AHI1: variants seen among roughly 807,000 people sequenced by gnomAD.
AHI1 encodes jouberin.
In AHI1, 123 loss-of-function variants were observed where a neutral mutation model predicts 149.3. The ratio of observed to expected loss-of-function variants is 0.82; its 90% CI spans 0.71 to 0.96. The LOEUF (loss-of-function observed/expected upper bound fraction) is 0.96, where lower values mean the gene tolerates loss of function less well. Ranked by LOEUF, AHI1 falls within the 40% of genes least tolerant of loss-of-function variation. The pLI, the probability that AHI1 is intolerant of heterozygous loss-of-function variation, is 0.00. For missense variants in AHI1, 1,439 were observed against 1,422.7 expected, an observed-to-expected ratio of 1.01 and a Z score of -0.18; for synonymous variants, 475 against 459.8, an observed-to-expected ratio of 1.03 and a Z score of -0.42.
intron 23 of AHI1, among the ~76,000 whole-genome samples, chr6:135,377,834 C>G (rs987131449): frequency 2.6e-5 from 4 of 151,952 alleles, no homozygotes; most frequent in African/African-American, 9.7e-5. Context: ...ACAAATAGAG[C>G]ACTCCTTCTC....
At chr6:135,437,028 C>T (rs1164380970) in intron 15 of AHI1, among the ~76,000 whole-genome samples, 4 of 152,142 alleles carry the variant, frequency 2.6e-5, no homozygotes, top group Admixed American at 1.3e-4. Context: ...GCCTTTAAAA[C>T]GTCAGTCACG....
chr6:135,382,915 AAAAAAAAAAAAATAT>A (rs1776993387), intron 23 of AHI1, among the ~76,000 whole-genome samples: 3 of 105,500 alleles, frequency 2.8e-5, no homozygotes, highest in African/African-American at 1.1e-4. Flanking sequence ...AAAAAAAAAA[AAAAAAAAAAAAATAT>A]ATATATATAT....
At chr6:135,359,223 A>C (rs957829845) in intron 23 of AHI1, among the ~76,000 whole-genome samples, 2 of 152,218 alleles carry the variant, frequency 1.3e-5, no homozygotes, top group Admixed American at 1.3e-4. Flanking sequence ...ATTTTTTGTA[A>C]CATTTATTGT....
chr6:135,429,743 T>A, intron 18 of AHI1, 139 bp downstream of exon 18: 1 of 474,206 alleles, frequency 2.1e-6, no homozygotes, highest in Non-Finnish European at 3.6e-6. Context: ...AAAAAAAAAA[T>A]CTCCAGATAC....
intron 15 of AHI1, among the ~76,000 whole-genome samples, chr6:135,433,986 C>T (rs918419917): frequency 3.9e-5 from 6 of 151,956 alleles, no homozygotes; most frequent in Non-Finnish European, 8.8e-5. Flanking sequence ...CTCTTAGATA[C>T]TCTGCATTTC....
intron 6 of AHI1, 103 bp downstream of exon 6, chr6:135,467,478 G>A (rs964129632): frequency 2.1e-6 from 2 of 955,518 alleles, no homozygotes; most frequent in Middle Eastern, 2.7e-4. Flanking sequence ...CTGATGTGTT[G>A]AAAAACAGAA....
chr6:135,322,974 T>C (rs1787101097), intron 25 of AHI1, among the ~76,000 whole-genome samples, 188 bp downstream of exon 25: 1 of 152,220 alleles, frequency 6.6e-6, no homozygotes, highest in African/African-American at 2.4e-5. Context: ...AATCTCAGAA[T>C]GGAGCAGCTT....
chr6:135,344,182 A>C (rs1333070419), intron 24 of AHI1, among the ~76,000 whole-genome samples: 3 of 151,832 alleles, frequency 2.0e-5, no homozygotes, highest in Non-Finnish European at 4.4e-5. Flanking sequence ...TTGTTATACT[A>C]TTTTTATTTT....
intron 20 of AHI1, among the ~76,000 whole-genome samples, chr6:135,422,709 C>T (rs951317388): frequency 1.3e-5 from 2 of 151,460 alleles, no homozygotes; most frequent in Non-Finnish European, 2.9e-5. Flanking sequence ...AGGCTGGTCT[C>T]AAACTCCTGG....
chr6:135,361,921 G>A (rs1278835848), intron 23 of AHI1, among the ~76,000 whole-genome samples: 7 of 152,014 alleles, frequency 4.6e-5, no homozygotes, highest in African/African-American at 1.7e-4. Context: ...GGTGATTTAT[G>A]AGATTTTGTG....
intron 23 of AHI1, among the ~76,000 whole-genome samples, chr6:135,389,452 G>A (rs1778145837): frequency 6.6e-6 from 1 of 152,094 alleles, no homozygotes; most frequent in South Asian, 2.1e-4. Flanking sequence ...TTTTCACTGT[G>A]AAGGAAAATA....
chr6:135,394,524 C>T lies in AHI1; in HGVS notation c.3109+252G>A, dbSNP rs1305678801. The stretch of plus-strand genomic sequence containing the variant: ...TTTAACATCATGCAGGTTTAAAACT[C>T]ACGTGTTTTGCTAGTTTTAAATTAT... On this transcript the variant is annotated intron_variant, in intron 23 of 28. Coordinates refer to ENST00000265602, the MANE Select transcript of AHI1 (RefSeq NM_001134831.2). 6 of 437,670 alleles carry T rather than the reference C, an allele frequency of 1.4e-5. No individual in the cohort carries two copies. The East Asian group carries it at 2.4e-4, about 17-fold the overall frequency. The allele number at this position is 437,670 out of a possible 1,614,324, so 27.1% of individuals were successfully genotyped here. A position where few individuals can be genotyped will look rare whatever the true frequency, so the allele number is the denominator to read the frequency against.
At chr6:135,479,582 CT>C (rs1177041860) in intron 5 of AHI1, among the ~76,000 whole-genome samples, 2 of 151,798 alleles carry the variant, frequency 1.3e-5, no homozygotes, top group Non-Finnish European at 2.9e-5. Context: ...AAGTAACTAA[CT>C]TTTTTTTTAT....
At chr6:135,427,624 A>C (rs1428610389) in intron 19 of AHI1, among the ~76,000 whole-genome samples, 3 of 151,696 alleles carry the variant, frequency 2.0e-5, no homozygotes, top group Non-Finnish European at 4.4e-5. Flanking sequence ...AGAGCTAAGC[A>C]AACTCCAAAT....
At chr6:135,477,867 G>T (rs1792954971) in intron 5 of AHI1, among the ~76,000 whole-genome samples, 1 of 152,208 alleles carries the variant, frequency 6.6e-6, no homozygotes, top group African/African-American at 2.4e-5. Flanking sequence ...GTGTGATCCT[G>T]GCTCACTGCA....
intron 11 of AHI1, among the ~76,000 whole-genome samples, chr6:135,449,461 T>C (rs1787757963): frequency 1.3e-5 from 2 of 152,200 alleles, no homozygotes; most frequent in Admixed American, 6.5e-5. Context: ...AACCTTTATG[T>C]CTTCTGCAAA....
At chr6:135,485,368 C>T (rs895961842) in intron 5 of AHI1, among the ~76,000 whole-genome samples, 1 of 152,134 alleles carries the variant, frequency 6.6e-6, no homozygotes, top group African/African-American at 2.4e-5. Context: ...AGCCACTGTG[C>T]CTGGCCTTTT....
chr6:135,383,543 C>A (rs1777172075), intron 23 of AHI1, among the ~76,000 whole-genome samples: 1 of 151,758 alleles, frequency 6.6e-6, no homozygotes, highest in African/African-American at 2.4e-5. Flanking sequence ...ATTTTTCATA[C>A]CCAAAGCAAA....
intron 26 of AHI1, among the ~76,000 whole-genome samples, chr6:135,306,577 A>G (rs1008306883): frequency 1.3e-5 from 2 of 152,230 alleles, no homozygotes; most frequent in Non-Finnish European, 2.9e-5. Context: ...CGCTGAGGAA[A>G]GTAATCACAA....
Sources: allele counts gnomAD v4.1 joint callset (sites outside exome capture counted in the v4.1 genomes callset), GRCh38; gene constraint gnomAD v4.1.1; transcripts MANE v1.5; gene names NCBI Gene and HGNC (gene_info 2026-07-23, HGNC 2026-07-21).